Variants in ANKRD52 observed in about 807,000 individuals in gnomAD.
The protein encoded by ANKRD52 is serine/threonine-protein phosphatase 6 regulatory ankyrin repeat subunit C.
A neutral mutation model predicts 116.0 loss-of-function variants in ANKRD52; 7 were observed. That is an observed-to-expected ratio of 0.06 (90% CI 0.03 to 0.11). The LOEUF is 0.11. ANKRD52 is among the 10% of genes least tolerant of loss of function. The probability of loss-of-function intolerance (pLI) is 1.00; values close to 1 mark genes in which losing one functional copy is unlikely to be tolerated. For synonymous variants in ANKRD52, 528 were observed against 578.1 expected, an observed-to-expected ratio of 0.91 and a Z score of 1.24; for missense variants, 839 against 1,408.6, an observed-to-expected ratio of 0.60 and a Z score of 6.47.
intron 20 of ANKRD52, among the ~76,000 whole-genome samples, chr12:56,246,321 T>G (rs1323550033): frequency 6.6e-6 from 1 of 151,982 alleles, no homozygotes; most frequent in Non-Finnish European, 1.5e-5. Context: ...TGAGCCACCA[T>G]GCCCGGCCCT....
In ANKRD52 at chr12:56,255,111, A is replaced by C; in HGVS notation, c.463-159T>G. On this transcript the variant is annotated intron_variant, in intron 5 of 27. Transcript: ENST00000267116. The surrounding 1 kb of genome is among the most constrained non-coding windows in gnomAD (Gnocchi z 4.3). ...ACTCGAGGGAACAGCAGAAGCAGGCACTAAGGAGGAGATACTGGAGAGATT... is the reference window on the plus strand; with the variant it reads ...ACTCGAGGGAACAGCAGAAGCAGGCCCTAAGGAGGAGATACTGGAGAGATT... 1.6e-6 allele frequency: 1 copy of C among 608,556 alleles called. No homozygotes were observed. The highest frequency in any genetic ancestry group is 2.9e-6 in the Non-Finnish European group (1 of 346,504). The allele number at this position is 608,556 out of a possible 1,614,324, so 37.7% of individuals were successfully genotyped here.
chr12:56,246,923 A>G (rs1565608650), intron 20 of ANKRD52, among the ~76,000 whole-genome samples: 2 of 7,946 alleles, frequency 2.5e-4, no homozygotes, highest in South Asian at 6.3e-3. Flanking sequence ...CTATCTCAAT[A>G]ATAATAATAA....
Position 56,254,031 on chromosome 12 carries a change from G to C in ANKRD52, c.906+36C>G. 1.3e-6 allele frequency: 2 copies of C among 1,584,142 alleles called. No homozygotes were observed. The highest frequency in any genetic ancestry group is 1.7e-6 in the Non-Finnish European group (2 of 1,154,452). ...GTCAGGACCCCTAGATCCAAGTTTC[G>C]CTCCCCACTGGTCTAAGCCTTATCC... On this transcript the variant is annotated intron_variant, in intron 8 of 27. Coordinates refer to ENST00000267116, the MANE Select transcript of ANKRD52 (RefSeq NM_173595.4). The surrounding 1 kb of genome is among the most constrained non-coding windows in gnomAD (Gnocchi z 4.6).
At position 56,248,485 on chromosome 12, in the gene ANKRD52, TG is replaced by T; in HGVS notation, c.1776+9del. 6.3e-7 allele frequency: 1 copy of T among 1,588,698 alleles called. No individual in the cohort carries two copies. Among genetic ancestry groups the T allele is most frequent in the Non-Finnish European group, 8.6e-7 (1 of 1,167,536 alleles). ...CAAGGAAGGCAACAGAAAAAAGACG[TG>T]GGACTCACAGCTAAGTGCAAAGGGC... On this transcript the variant is annotated intron_variant, in intron 17 of 27. Coordinates refer to ENST00000267116, the MANE Select transcript of ANKRD52 (RefSeq NM_173595.4). This position sits in a 1 kb window ranked among gnomAD's most constrained non-coding sequence, Gnocchi z 5.1.
chr12:56,252,489 C>T lies in ANKRD52; in HGVS notation c.1370+13G>A. On this transcript the variant is annotated intron_variant, in intron 13 of 27. Coordinates refer to ENST00000267116, the MANE Select transcript of ANKRD52 (RefSeq NM_173595.4). The surrounding 1 kb of genome is among the most constrained non-coding windows in gnomAD (Gnocchi z 4.7). ...CAGATATTCCCTATGTTTACCCCTG[C>T]ATATTAGCATACCTGCCAAATTTGT... 1 of 1,611,856 alleles carries T rather than the reference C, an allele frequency of 6.2e-7. No homozygotes were observed. The highest frequency in any genetic ancestry group is 1.3e-5 in the African/African-American group (1 of 74,990).
Position 56,255,037 on chromosome 12 carries a change from A to G in ANKRD52, c.463-85T>C. The G allele has an allele frequency of 1.4e-6, 2 of 1,411,996 alleles. No individual in the cohort carries two copies. Among genetic ancestry groups the G allele is most frequent in the Admixed American group, 1.8e-5 (1 of 56,004 alleles). 87.5% of individuals were successfully genotyped at this position (1,411,996 alleles called of 1,614,324 possible). A position where few individuals can be genotyped will look rare whatever the true frequency, so the allele number is the denominator to read the frequency against. On this transcript the variant is annotated intron_variant, in intron 5 of 27. Coordinates refer to ENST00000267116, the MANE Select transcript of ANKRD52 (RefSeq NM_173595.4). The surrounding 1 kb of genome is among the most constrained non-coding windows in gnomAD (Gnocchi z 4.3). The stretch of plus-strand genomic sequence containing the variant: ...AGAGCAGAGGCCTCATCTCCTGAAA[A>G]GGCTGAGGCAGCCTAATGCCTTTTT...
In ANKRD52 at chr12:56,248,880, CG is replaced by C. The variant is rs1239499423; in HGVS notation, c.1593-11del. Reference sequence around the variant, plus strand: ...TAAGAACTCCAGACAGCTGGGGAGCCGGGGGTAGACTGTGAGGCAGGGACAG... The same window carrying C: ...TAAGAACTCCAGACAGCTGGGGAGCCGGGGTAGACTGTGAGGCAGGGACAG... On this transcript the variant is annotated splice_polypyrimidine_tract_variant and intron_variant, in intron 15 of 27. Coordinates refer to ENST00000267116, the MANE Select transcript of ANKRD52 (RefSeq NM_173595.4). This position sits in a 1 kb window ranked among gnomAD's most constrained non-coding sequence, Gnocchi z 5.1. 1.3e-6 allele frequency: 2 copies of C among 1,568,496 alleles called. No homozygotes were observed. The highest frequency in any genetic ancestry group is 1.4e-5 in the African/African-American group (1 of 73,894).
chr12:56,252,432 C>T lies in ANKRD52; in HGVS notation c.1370+70G>A. On this transcript the variant is annotated intron_variant, in intron 13 of 27. Coordinates refer to ENST00000267116, the MANE Select transcript of ANKRD52 (RefSeq NM_173595.4). This position sits in a 1 kb window ranked among gnomAD's most constrained non-coding sequence, Gnocchi z 4.7. ...TCCTTATTTAAGTCTCCAATCTAAA[C>T]CCTTCCTCCCTCTACCATTTGTTTC... The T allele has an allele frequency of 1.3e-6, 2 of 1,594,568 alleles. No homozygotes were observed. Among genetic ancestry groups the T allele is most frequent in the Non-Finnish European group, 1.7e-6 (2 of 1,162,904 alleles).
chr12:56,242,767 T>C lies in ANKRD52; in HGVS notation c.*375A>G, dbSNP rs1235949823. ...GAAGAAGAGGGGATCTGCCTGGCAG[T>C]AGGGGCAGGGGAGAAGGGGGACACA... On this transcript the variant is annotated 3_prime_UTR_variant, in exon 28 of 28. Transcript: ENST00000267116. The surrounding 1 kb of genome is among the most constrained non-coding windows in gnomAD (Gnocchi z 4.3). 1.3e-5 allele frequency: 3 copies of C among 229,288 alleles called. No individual in the cohort carries two copies. The East Asian group carries it at 2.7e-4, about 21-fold the overall frequency. 14.2% of individuals were successfully genotyped at this position (229,288 alleles called of 1,614,324 possible).
Position 56,244,680 on chromosome 12 carries a change from C to T in ANKRD52, c.2694G>A (p.Ala898=), listed in dbSNP as rs1871313734. The T allele has an allele frequency of 4.3e-6, 7 of 1,613,812 alleles. No homozygotes were observed. The highest frequency in any genetic ancestry group is 2.7e-5 in the African/African-American group (2 of 74,918). The change falls in exon 24 of 28, where the codon GCG becomes GCA. Residue 898 remains alanine, a synonymous_variant. Coordinates refer to ENST00000267116, the MANE Select transcript of ANKRD52 (RefSeq NM_173595.4). The surrounding 1 kb of genome is among the most constrained non-coding windows in gnomAD (Gnocchi z 4.9). ...DHTGRTALMT[A]AENGQTAAVE... is the part of the protein sequence containing the mutation. ...CAGCAGCGGTCTGCCCGTTCTCAGCCGCCGTCATGAGCGCAGTGCGGCCAG... is the reference window on the plus strand; with the variant it reads ...CAGCAGCGGTCTGCCCGTTCTCAGCTGCCGTCATGAGCGCAGTGCGGCCAG...
Position 56,248,894 on chromosome 12 carries a change from G to C in ANKRD52, c.1593-24C>G. On this transcript the variant is annotated intron_variant, in intron 15 of 27. Transcript: ENST00000267116. The surrounding 1 kb of genome is among the most constrained non-coding windows in gnomAD (Gnocchi z 5.1). ...AGCTGGGGAGCCGGGGGTAGACTGTGAGGCAGGGACAGGCCCAGCCCAGGA... is the reference window on the plus strand; with the variant it reads ...AGCTGGGGAGCCGGGGGTAGACTGTCAGGCAGGGACAGGCCCAGCCCAGGA... The C allele has an allele frequency of 6.5e-7, 1 of 1,535,360 alleles. No individual in the cohort carries two copies. The highest frequency in any genetic ancestry group is 8.8e-7 in the Non-Finnish European group (1 of 1,131,056).
chr12:56,252,180 G>A lies in ANKRD52; in HGVS notation c.1506C>T (p.Tyr502=), dbSNP rs1245810251. The A allele has an allele frequency of 2.5e-6, 4 of 1,614,004 alleles. No individual in the cohort carries two copies. The highest frequency in any genetic ancestry group is 1.7e-5 in the Admixed American group (1 of 60,026). The change falls in exon 14 of 28, where the codon TAC becomes TAT. Residue 502 remains tyrosine (Y), a synonymous_variant. Transcript: ENST00000267116. The surrounding 1 kb of genome is among the most constrained non-coding windows in gnomAD (Gnocchi z 4.7). ...GACCAGACTGGTAGCCTCACCTCCTGTAAGTGTCAGAAGCGGCAGCGTAGT... is the reference window on the plus strand; with the variant it reads ...GACCAGACTGGTAGCCTCACCTCCTATAAGTGTCAGAAGCGGCAGCGTAGT... ...PLHYAAASDT[Y]RRAEPHTPSS...
intron 1 of ANKRD52, 46 bp from the exon 2 acceptor site, chr12:56,257,957 G>T: frequency 1.4e-6 from 2 of 1,387,882 alleles, no homozygotes; most frequent in South Asian, 1.2e-5. Flanking sequence ...AGCCGGAGCG[G>T]AACCGGTGTG....
chr12:56,241,826 C>T lies in ANKRD52; in HGVS notation c.*1316G>A, dbSNP rs1423302807. On this transcript the variant is annotated 3_prime_UTR_variant, in exon 28 of 28. Transcript: ENST00000267116. Reference sequence around the variant, plus strand: ...TTTAGAGAGAAAACTGCCCCCTCTTCACTCCAGCCCAGTTTGGCTTTTGGG... The same window carrying T: ...TTTAGAGAGAAAACTGCCCCCTCTTTACTCCAGCCCAGTTTGGCTTTTGGG... The T allele has an allele frequency of 5.0e-6, 2 of 396,956 alleles. No homozygotes were observed. The highest frequency in any genetic ancestry group is 4.1e-5 in the African/African-American group (2 of 48,616). 24.6% of individuals were successfully genotyped at this position (396,956 alleles called of 1,614,324 possible).
At chr12:56,257,159 A>C (rs1400119777) in intron 3 of ANKRD52, 74 bp from the exon 4 acceptor site, 2 of 1,568,720 alleles carry the variant, frequency 1.3e-6, no homozygotes, top group Non-Finnish European at 1.7e-6. Flanking sequence ...TCAGGCCAGG[A>C]AATCTGAATG....
In ANKRD52 at chr12:56,257,831, C is replaced by G. The variant is rs777656950; in HGVS notation, c.108G>C (p.Val36=). ...ATCCTCCCTGCTCCCAACTCACCAG[C>G]ACATTGATGTTCTCCTTCTGCGAGA... The part of the protein sequence containing the change: ...SLLSQKENIN[V]LDQERRTPLH... Residue 36 remains valine, a synonymous_variant, in exon 2 of 28, where the codon GTG becomes GTC. Coordinates refer to ENST00000267116, the MANE Select transcript of ANKRD52 (RefSeq NM_173595.4). 1 of 1,613,790 alleles carries G rather than the reference C, an allele frequency of 6.2e-7. No individual in the cohort carries two copies. The highest frequency in any genetic ancestry group is 8.5e-7 in the Non-Finnish European group (1 of 1,179,828).
chr12:56,239,423 G>A lies in ANKRD52; in HGVS notation c.*3719C>T, dbSNP rs1435811501. The A allele has an allele frequency of 6.6e-6, 1 of 152,270 alleles. No homozygotes were observed. The highest frequency in any genetic ancestry group is 1.5e-5 in the Non-Finnish European group (1 of 68,074). The allele number at this position is 152,270 out of a possible 1,614,324, so 9.4% of individuals were successfully genotyped here. On this transcript the variant is annotated 3_prime_UTR_variant, in exon 28 of 28. Coordinates refer to ENST00000267116, the MANE Select transcript of ANKRD52 (RefSeq NM_173595.4). ...AGGGTTCAAACTAGGCGGGATGGGGGCCCATACTGGTTTGCCCCAGGAGTA... is the reference window on the plus strand; with the variant it reads ...AGGGTTCAAACTAGGCGGGATGGGGACCCATACTGGTTTGCCCCAGGAGTA...
rs535339322 is a variant in ANKRD52 at position 56,248,360 on chromosome 12, C to T, written c.1776+135G>A. On this transcript the variant is annotated intron_variant, in intron 17 of 27. Coordinates refer to ENST00000267116, the MANE Select transcript of ANKRD52 (RefSeq NM_173595.4). This position sits in a 1 kb window ranked among gnomAD's most constrained non-coding sequence, Gnocchi z 5.1. ...AGCTCCTTGGGCCCCTTAAGGCTTC[C>T]TACCCTGCACTGTGCTTATCCCCTC... 10 of 1,394,902 alleles carry T rather than the reference C, an allele frequency of 7.2e-6. No individual in the cohort carries two copies. The highest frequency in any genetic ancestry group is 9.9e-6 in the Non-Finnish European group (10 of 1,006,980). 86.4% of individuals were successfully genotyped at this position (1,394,902 alleles called of 1,614,324 possible). A position where few individuals can be genotyped will look rare whatever the true frequency, so the allele number is the denominator to read the frequency against.
rs1592394883 is a variant in ANKRD52, at chr12:56,254,444, T to C, written c.693+134A>G. The C allele has an allele frequency of 1.4e-6, 2 of 1,468,986 alleles. No individual in the cohort carries two copies. The highest frequency in any genetic ancestry group is 2.6e-5 in the South Asian group (2 of 77,642). The allele number at this position is 1,468,986 out of a possible 1,614,324, so 91.0% of individuals were successfully genotyped here. A position where few individuals can be genotyped will look rare whatever the true frequency, so the allele number is the denominator to read the frequency against. ...GGCACTATGGCTAAGGTAAGCATTA[T>C]TCAGACCCTCTCTACCACGTCCTTC... On this transcript the variant is annotated intron_variant, in intron 7 of 27. Coordinates refer to ENST00000267116, the MANE Select transcript of ANKRD52 (RefSeq NM_173595.4). This position sits in a 1 kb window ranked among gnomAD's most constrained non-coding sequence, Gnocchi z 4.6.
Sources: gnomAD v4.1 joint callset for allele counts (sites outside exome capture counted in the v4.1 genomes callset) on GRCh38, gnomAD v4.1.1 for gene constraint, Gnocchi (gnomAD v3.1) non-coding constraint, MANE v1.5 for transcripts, NCBI Gene and HGNC (gene_info 2026-07-23, HGNC 2026-07-21) for gene names.